FGFR2: variants seen among roughly 807,000 people sequenced by gnomAD.
FGFR2 encodes the protein BEK fibroblast growth factor receptor.
In FGFR2, 19 loss-of-function variants were observed where a neutral mutation model predicts 95.9. The observed-to-expected ratio is 0.20, with a 90% CI of 0.14 to 0.29. FGFR2 has a LOEUF of 0.29. Ranked by LOEUF, FGFR2 falls within the 10% of genes least tolerant of loss-of-function variation. The pLI is 1.00. For synonymous variants in FGFR2, 392 were observed against 393.3 expected, an observed-to-expected ratio of 1.00 and a Z score of 0.04; for missense variants, 707 against 1,056.9, an observed-to-expected ratio of 0.67 and a Z score of 4.59.
intron 2 of FGFR2, among the ~76,000 whole-genome samples, chr10:121,592,355 A>G (rs538343510): frequency 1.3e-5 from 2 of 152,264 alleles, no homozygotes; most frequent in South Asian, 4.1e-4. Context: ...GCAGTTCCAT[A>G]ATCGGCCTGT....
At chr10:121,481,056 T>C (rs1445323947) in intron 17 of FGFR2, among the ~76,000 whole-genome samples, 1 of 152,230 alleles carries the variant, frequency 6.6e-6, no homozygotes, top group Non-Finnish European at 1.5e-5. Flanking sequence ...ACATATTGTC[T>C]GTGGCTACTT....
At chr10:121,549,217 A>G (rs2134782596) in intron 5 of FGFR2, among the ~76,000 whole-genome samples, 1 of 152,378 alleles carries the variant, frequency 6.6e-6, no homozygotes, top group African/African-American at 2.4e-5. Context: ...AAACTTTTGC[A>G]GAAGAAAATA....
At position 121,543,436 on chromosome 10, in the gene FGFR2, GGAGACA is replaced by G. The variant is rs1354213646; in HGVS notation, c.625-4727_625-4722del. Among the ~76,000 whole-genome samples the G allele has an allele frequency of 2.6e-5, 4 of 152,250 alleles. No homozygotes were observed. In the South Asian group the frequency reaches 8.3e-4, roughly 32 times the overall value. ...GAGGCAAGAGAATCGCTTGAACCCG[GGAGACA>G]GAGACTGCAGTGAGCTGAGATCATG... On this transcript the variant is annotated intron_variant, in intron 5 of 17. Transcript: ENST00000358487.
chr10:121,480,419 C>T (rs1844525810), intron 17 of FGFR2: 1 of 316,554 alleles, frequency 3.2e-6, no homozygotes. Flanking sequence ...ACCACCTCCT[C>T]ACTAGAGCCC....
chr10:121,574,865 G>T (rs550273908), intron 2 of FGFR2, among the ~76,000 whole-genome samples: 2 of 152,334 alleles, frequency 1.3e-5, no homozygotes, highest in South Asian at 2.1e-4. Context: ...AGAACAAAAA[G>T]AAGTCAAAGC....
At chr10:121,533,746 TGAA>T (rs1201470924) in intron 6 of FGFR2, among the ~76,000 whole-genome samples, 1 of 152,130 alleles carries the variant, frequency 6.6e-6, no homozygotes, top group Non-Finnish European at 1.5e-5. Flanking sequence ...GAACATCAAA[TGAA>T]GAAGTCCGCT....
rs147519413 is a variant in FGFR2, at chr10:121,559,361, G to C, written c.454+5141C>G. ...TAATCGGGTCAGGCATTTGACACTTGAGGTGGCAAAAAATTGTTTTAATGG... is the reference window on the plus strand; with the variant it reads ...TAATCGGGTCAGGCATTTGACACTTCAGGTGGCAAAAAATTGTTTTAATGG... On this transcript the variant is annotated intron_variant, in intron 4 of 17. Transcript: ENST00000358487. Among the ~76,000 whole-genome samples, 688 of 152,256 alleles carry C rather than the reference G, an allele frequency of 4.5e-3. 6 individuals carry two copies. The highest frequency in any genetic ancestry group is 0.015 in the African/African-American group (625 of 41,542).
At chr10:121,541,777 T>C (rs1853792797) in intron 5 of FGFR2, among the ~76,000 whole-genome samples, 1 of 152,230 alleles carries the variant, frequency 6.6e-6, no homozygotes. Context: ...ACTTGGTGAA[T>C]GTGTAGGGAA....
chr10:121,492,844 A>G (rs1276556903), intron 13 of FGFR2, among the ~76,000 whole-genome samples: 1 of 152,090 alleles, frequency 6.6e-6, no homozygotes, highest in African/African-American at 2.4e-5. Flanking sequence ...GCTGTTATTC[A>G]ATGTAGAGAC....
intron 6 of FGFR2, among the ~76,000 whole-genome samples, chr10:121,529,803 T>C (rs1851855083): frequency 6.6e-6 from 1 of 152,250 alleles, no homozygotes; most frequent in Admixed American, 6.5e-5. Flanking sequence ...CAAAGCCTTA[T>C]ACCTCATTCA....
chr10:121,543,526 C>CA (rs1195014203), intron 5 of FGFR2, among the ~76,000 whole-genome samples: 2 of 151,928 alleles, frequency 1.3e-5, no homozygotes, highest in Non-Finnish European at 2.9e-5. Context: ...AAACAAAAAA[C>CA]AAAAAATGCA....
intron 2 of FGFR2, among the ~76,000 whole-genome samples, chr10:121,569,897 A>C (rs1252342040): frequency 6.6e-6 from 1 of 152,218 alleles, no homozygotes; most frequent in Admixed American, 6.5e-5. Flanking sequence ...GTATCCCAGA[A>C]GACTCTGCAA....
intron 2 of FGFR2, among the ~76,000 whole-genome samples, chr10:121,589,126 C>G (rs1862255748): frequency 6.6e-6 from 1 of 152,166 alleles, no homozygotes; most frequent in African/African-American, 2.4e-5. Flanking sequence ...GAGTAGCACA[C>G]CAGCTATATT....
At chr10:121,540,945 C>A (rs1295081645) in intron 5 of FGFR2, among the ~76,000 whole-genome samples, 3 of 152,094 alleles carry the variant, frequency 2.0e-5, no homozygotes, top group Non-Finnish European at 4.4e-5. Context: ...ACTCGGCTGA[C>A]ACATTAAATC....
At chr10:121,528,028 T>C (rs930487788) in intron 6 of FGFR2, 2 of 152,232 alleles carry the variant, frequency 1.3e-5, no homozygotes, top group Non-Finnish European at 2.9e-5. Context: ...TCTTTTTTAA[T>C]GTCCAGGAAT....
At chr10:121,514,045 T>C (rs537796169) in intron 9 of FGFR2, among the ~76,000 whole-genome samples, 4 of 152,232 alleles carry the variant, frequency 2.6e-5, no homozygotes, top group Non-Finnish European at 4.4e-5. Context: ...AAAATCACCA[T>C]AGGGCTTGTG....
intron 6 of FGFR2, among the ~76,000 whole-genome samples, chr10:121,535,150 G>A (rs554361282): frequency 6.6e-6 from 1 of 152,226 alleles, no homozygotes; most frequent in Non-Finnish European, 1.5e-5. Context: ...TACAAGCCAA[G>A]GACAGCTACC....
At chr10:121,581,135 G>C (rs543438127) in intron 2 of FGFR2, among the ~76,000 whole-genome samples, 3 of 152,316 alleles carry the variant, frequency 2.0e-5, no homozygotes, top group African/African-American at 7.2e-5. Flanking sequence ...ACTCAAATAC[G>C]GCCTGGAGGC....
chr10:121,589,226 G>A (rs1168919739), intron 2 of FGFR2, among the ~76,000 whole-genome samples: 1 of 152,108 alleles, frequency 6.6e-6, no homozygotes, highest in African/African-American at 2.4e-5. Flanking sequence ...AAATGTAAGG[G>A]TAAGCTAGAT....
Sources: allele counts gnomAD v4.1 joint callset (sites outside exome capture counted in the v4.1 genomes callset), GRCh38; gene constraint gnomAD v4.1.1; transcripts MANE v1.5; gene names NCBI Gene and HGNC (gene_info 2026-07-23, HGNC 2026-07-21).